CCDC63: variants seen among roughly 807,000 people sequenced by gnomAD.
The protein encoded by CCDC63 is coiled-coil domain-containing protein 63.
In CCDC63, 54 loss-of-function variants were observed where a neutral mutation model predicts 63.6. The observed-to-expected ratio is 0.85, with a 90% CI of 0.68 to 1.07. The LOEUF is 1.07. CCDC63 is among the 50% of genes least tolerant of loss of function. CCDC63 has a pLI of 0.00. For synonymous variants in CCDC63, 253 were observed against 266.1 expected, an observed-to-expected ratio of 0.95 and a Z score of 0.48; for missense variants, 637 against 689.6, an observed-to-expected ratio of 0.92 and a Z score of 0.86.
At chr12:110,870,106 G>T (rs1028506478) in intron 4 of CCDC63, among the ~76,000 whole-genome samples, 2 of 152,106 alleles carry the variant, frequency 1.3e-5, no homozygotes. Context: ...TTTTGAGATG[G>T]AGTTTTGCTC....
rs567711059 is a variant in CCDC63, at chr12:110,865,357, A to C, written c.369+6582A>C. Among the ~76,000 whole-genome samples, 5 of 151,714 alleles carry C rather than the reference A, an allele frequency of 3.3e-5. No individual in the cohort carries two copies. In the South Asian group the frequency reaches 6.3e-4, roughly 19 times the overall value. On this transcript the variant is annotated intron_variant, in intron 4 of 11. Coordinates refer to ENST00000308208, the MANE Select transcript of CCDC63 (RefSeq NM_152591.3). ...TAGACCAAGGATCTCAAACTGGTAG[A>C]TCTCAGGATGGATTAAGCCTGGTGA...
intron 3 of CCDC63, 50 bp downstream of exon 3, chr12:110,853,624 G>T (rs949962379): frequency 6.2e-7 from 1 of 1,607,356 alleles, no homozygotes; most frequent in African/African-American, 1.3e-5. Context: ...GGAAAGTTGG[G>T]GTTGGGCTTC....
intron 4 of CCDC63, among the ~76,000 whole-genome samples, chr12:110,871,567 T>C (rs1157879781): frequency 6.6e-6 from 1 of 150,508 alleles, no homozygotes; most frequent in Admixed American, 6.6e-5. Flanking sequence ...TTCCTTCCTT[T>C]TTTTTTTTTT....
rs533509290 is a variant in CCDC63 at position 110,906,153 on chromosome 12, C to G, written c.1547-1178C>G. 1.7e-3 allele frequency among the ~76,000 whole-genome samples: 221 copies of G among 127,400 alleles called. 2 individuals carry two copies. The highest frequency in any genetic ancestry group is 6.5e-3 in the African/African-American group (212 of 32,612). The allele number at this position is 127,400 out of a possible 152,430, so 83.6% of individuals were successfully genotyped here. ...AATATCTGAAGATATTTTTGGTTGT[C>G]ACAACTGAAAGTGACGGTGCTGCTG... On this transcript the variant is annotated intron_variant, in intron 11 of 11. Coordinates refer to ENST00000308208, the MANE Select transcript of CCDC63 (RefSeq NM_152591.3).
chr12:110,897,715 T>C (rs1376292861), intron 9 of CCDC63, among the ~76,000 whole-genome samples: 2 of 151,782 alleles, frequency 1.3e-5, no homozygotes, highest in Admixed American at 1.3e-4. Flanking sequence ...AATGTATTTC[T>C]TCCTGTGGAC....
At chr12:110,876,026 A>C (rs2071124985) in intron 5 of CCDC63, among the ~76,000 whole-genome samples, 1 of 151,740 alleles carries the variant, frequency 6.6e-6, no homozygotes, top group Admixed American at 6.6e-5. Flanking sequence ...GAATTGCTTG[A>C]ATCTAGGAGG....
intron 4 of CCDC63, among the ~76,000 whole-genome samples, chr12:110,861,673 G>A (rs1277560928): frequency 1.3e-5 from 2 of 151,848 alleles, no homozygotes; most frequent in Non-Finnish European, 2.9e-5. Context: ...CTGGGTTCAA[G>A]CGATTCTCCT....
intron 1 of CCDC63, among the ~76,000 whole-genome samples, chr12:110,849,737 G>A (rs764774037): frequency 6.6e-6 from 1 of 152,094 alleles, no homozygotes; most frequent in Non-Finnish European, 1.5e-5. Flanking sequence ...GACCCCAAGT[G>A]ATCTGCCTGC....
At chr12:110,850,241 C>T (rs1298664634) in intron 1 of CCDC63, among the ~76,000 whole-genome samples, 1 of 152,184 alleles carries the variant, frequency 6.6e-6, no homozygotes, top group Non-Finnish European at 1.5e-5. Flanking sequence ...TCTTAAAAGT[C>T]ATGATCTGGA....
intron 8 of CCDC63, among the ~76,000 whole-genome samples, chr12:110,892,373 C>T (rs1047625419): frequency 6.6e-5 from 10 of 151,490 alleles, no homozygotes; most frequent in Middle Eastern, 3.4e-3. Flanking sequence ...TGTAGGAGTT[C>T]GAGACCAGCC....
At chr12:110,871,522 T>G (rs2071066887) in intron 4 of CCDC63, among the ~76,000 whole-genome samples, 1 of 150,572 alleles carries the variant, frequency 6.6e-6, no homozygotes, top group African/African-American at 2.4e-5. Context: ...TTTCCTTCTC[T>G]CTATCTTTCC....
chr12:110,876,475 G>A (rs1327164958), intron 5 of CCDC63, among the ~76,000 whole-genome samples: 1 of 152,122 alleles, frequency 6.6e-6, no homozygotes, highest in East Asian at 1.9e-4. Flanking sequence ...AACATTTTAG[G>A]AGGCTCTTCT....
rs867521416 is a variant in CCDC63 at position 110,864,902 on chromosome 12, G to A, written c.369+6127G>A. Among the ~76,000 whole-genome samples, 10 of 152,236 alleles carry A rather than the reference G, an allele frequency of 6.6e-5. No homozygotes were observed. The Middle Eastern group carries it at 0.01, about 155-fold the overall frequency. ...GTTGGTTTAGCAGCTCAATTTTGCT[G>A]TCAGCTATGTTGGGTGTTATCCTTT... is the stretch of plus-strand genomic sequence containing the variant. On this transcript the variant is annotated intron_variant, in intron 4 of 11. Transcript: ENST00000308208.
chr12:110,877,592 A>G (rs763376151), intron 5 of CCDC63, among the ~76,000 whole-genome samples: 1 of 151,538 alleles, frequency 6.6e-6, no homozygotes, highest in Non-Finnish European at 1.5e-5. Context: ...CATTCTCCAT[A>G]TCTGCTACTT....
At chr12:110,896,491 G>A (rs925016927) in intron 9 of CCDC63, among the ~76,000 whole-genome samples, 110 of 152,300 alleles carry the variant, frequency 7.2e-4, no homozygotes, top group African/African-American at 2.6e-3. Context: ...TAAAATAGGG[G>A]TGTGAATAGG....
chr12:110,866,049 C>T (rs924043488), intron 4 of CCDC63, among the ~76,000 whole-genome samples: 2 of 152,156 alleles, frequency 1.3e-5, no homozygotes, highest in African/African-American at 4.8e-5. Context: ...GCATCCTCAG[C>T]TTATTGCAAC....
At chr12:110,883,616 G>GTTTA (rs2071237860) in intron 7 of CCDC63, among the ~76,000 whole-genome samples, 1 of 151,796 alleles carries the variant, frequency 6.6e-6, no homozygotes, top group Non-Finnish European at 1.5e-5. Flanking sequence ...TTTTTTGTTT[G>GTTTA]TTTGTTTGTT....
At position 110,879,972 on chromosome 12, in the gene CCDC63, C is replaced by A; in HGVS notation, c.556C>A (p.Arg186=). ...GCTCCGGAAGGAGATTGAAGACCTA[C>A]GATTTGAGAAGGCTGCTTATGACAA... The part of the protein sequence containing the change: ...AKLRKEIEDL[R]FEKAAYDNVY... Residue 186 remains arginine, a synonymous_variant, in exon 6 of 12, where the codon CGA becomes AGA. Transcript: ENST00000308208. 1 of 1,614,192 alleles carries A rather than the reference C, an allele frequency of 6.2e-7. No homozygotes were observed. Among genetic ancestry groups the A allele is most frequent in the Non-Finnish European group, 8.5e-7 (1 of 1,180,018 alleles).
At chr12:110,884,336 G>A in intron 8 of CCDC63, 86 bp downstream of exon 8, 1 of 1,042,068 alleles carries the variant, frequency 9.6e-7, no homozygotes, top group South Asian at 1.3e-5. Flanking sequence ...GGCTCTGTGA[G>A]AGGCACTACA....
Sources: allele counts gnomAD v4.1 joint callset (sites outside exome capture counted in the v4.1 genomes callset), GRCh38; gene constraint gnomAD v4.1.1; transcripts MANE v1.5; gene names NCBI Gene and HGNC (gene_info 2026-07-23, HGNC 2026-07-21).